LUZP2: variants seen among roughly 807,000 people sequenced by gnomAD.
LUZP2 encodes the protein leucine zipper protein 2.
Under a neutral mutation model 51.6 loss-of-function variants are expected in LUZP2, and 52 were observed. The ratio of observed to expected loss-of-function variants is 1.01; its 90% CI spans 0.81 to 1.27. The LOEUF is 1.27. LUZP2 is among the 50% of genes most tolerant of loss of function. The pLI is 0.00. For synonymous variants in LUZP2, 154 were observed against 137.3 expected (o/e 1.12, Z -0.85); for missense variants, 436 against 395.4 (o/e 1.10, Z -0.87).
chr11:24,721,121 C>G (rs1858253632), intron 1 of LUZP2, among the ~76,000 whole-genome samples: 1 of 152,194 alleles, frequency 6.6e-6, no homozygotes, highest in Non-Finnish European at 1.5e-5. Flanking sequence ...GCCATGTCCA[C>G]TAGCGTGCCT....
chr11:25,050,150 CT>C lies in LUZP2; in HGVS notation c.858+25del, dbSNP rs34625404. 1 of 1,482,354 alleles carries C rather than the reference CT, an allele frequency of 6.7e-7. No homozygotes were observed. Among genetic ancestry groups the C allele is most frequent in the Admixed American group, 1.8e-5 (1 of 54,284 alleles). The allele number at this position is 1,482,354 out of a possible 1,614,324, so 91.8% of individuals were successfully genotyped here. A position where few individuals can be genotyped will look rare whatever the true frequency, so the allele number is the denominator to read the frequency against. On this transcript the variant is annotated intron_variant, in intron 10 of 11. Transcript: ENST00000336930. ...CAAGATGTAAGAAAAACTTAAGATG[CT>C]TTTTACAGTATTAGACAGGAGAAAA...
At chr11:24,775,084 C>T (rs1848876851) in intron 5 of LUZP2, among the ~76,000 whole-genome samples, 1 of 151,548 alleles carries the variant, frequency 6.6e-6, no homozygotes, top group South Asian at 2.1e-4. Flanking sequence ...TTGAAATGAG[C>T]GTTTTACAAT....
At chr11:24,559,985 G>C (rs188112925) in intron 1 of LUZP2, among the ~76,000 whole-genome samples, 13 of 152,208 alleles carry the variant, frequency 8.5e-5, no homozygotes, top group Non-Finnish European at 1.5e-4. Context: ...GGGGTGGCAG[G>C]ATAGGGGAGG....
intron 5 of LUZP2, among the ~76,000 whole-genome samples, chr11:24,888,341 A>G (rs1479111936): frequency 6.6e-6 from 1 of 152,126 alleles, no homozygotes; most frequent in Non-Finnish European, 1.5e-5. Context: ...GTATGATTAT[A>G]TTCCAATTAA....
At chr11:24,816,205 T>C (rs1436230900) in intron 5 of LUZP2, among the ~76,000 whole-genome samples, 1 of 152,076 alleles carries the variant, frequency 6.6e-6, no homozygotes, top group Non-Finnish European at 1.5e-5. Context: ...GTTAGAATGA[T>C]CTGAACAAGT....
At chr11:24,745,818 C>T (rs570032751) in intron 4 of LUZP2, among the ~76,000 whole-genome samples, 1 of 152,236 alleles carries the variant, frequency 6.6e-6, no homozygotes, top group East Asian at 1.9e-4. Flanking sequence ...GCTAGGATTA[C>T]AGGCACAAGT....
intron 3 of LUZP2, among the ~76,000 whole-genome samples, chr11:24,733,428 A>G (rs1186261609): frequency 6.6e-6 from 1 of 151,824 alleles, no homozygotes. Flanking sequence ...GCAATAGTAG[A>G]ACATTATTCA....
chr11:24,955,938 C>T (rs537343674), intron 7 of LUZP2, among the ~76,000 whole-genome samples: 5 of 151,842 alleles, frequency 3.3e-5, no homozygotes, highest in African/African-American at 1.2e-4. Flanking sequence ...TTGGATCATG[C>T]AGAATGACTT....
chr11:25,025,481 C>T (rs1461250258), intron 9 of LUZP2, among the ~76,000 whole-genome samples: 4 of 152,100 alleles, frequency 2.6e-5, no homozygotes, highest in Non-Finnish European at 5.9e-5. Flanking sequence ...AACAATTGGG[C>T]AAAGGATATG....
intron 1 of LUZP2, among the ~76,000 whole-genome samples, chr11:24,597,875 G>A (rs1853494534): frequency 6.6e-6 from 1 of 152,090 alleles, no homozygotes; most frequent in Non-Finnish European, 1.5e-5. Context: ...GCCAAGGCGG[G>A]TGGAACACTT....
At chr11:24,521,338 G>A (rs12270014) in intron 1 of LUZP2, among the ~76,000 whole-genome samples, 13,821 of 111,652 alleles carry the variant, frequency 0.12, 1,068 homozygotes, top group African/African-American at 0.25. Context: ...GTGACAGAGC[G>A]AGACTCCATC....
intron 1 of LUZP2, among the ~76,000 whole-genome samples, chr11:24,665,038 A>T (rs748775542): frequency 6.6e-6 from 1 of 152,144 alleles, no homozygotes; most frequent in Non-Finnish European, 1.5e-5. Flanking sequence ...AAAGTCAAAG[A>T]CACTCAACGT....
At chr11:24,805,658 C>G (rs755995572) in intron 5 of LUZP2, among the ~76,000 whole-genome samples, 2 of 152,138 alleles carry the variant, frequency 1.3e-5, no homozygotes, top group African/African-American at 4.8e-5. Flanking sequence ...GTATTTTAAT[C>G]TTTGAAAATT....
chr11:24,628,003 T>A (rs968816628), intron 1 of LUZP2, among the ~76,000 whole-genome samples: 1 of 152,304 alleles, frequency 6.6e-6, no homozygotes, highest in South Asian at 2.1e-4. Flanking sequence ...ATTTACTGTC[T>A]GGGGCATTTT....
intron 6 of LUZP2, among the ~76,000 whole-genome samples, chr11:24,908,488 A>AT (rs1413759650): frequency 6.6e-6 from 1 of 152,144 alleles, no homozygotes. Context: ...TTGCCGTGAA[A>AT]TCTTCTTATG....
intron 9 of LUZP2, among the ~76,000 whole-genome samples, chr11:25,043,379 G>A (rs553936489): frequency 1.3e-5 from 2 of 152,084 alleles, no homozygotes; most frequent in African/African-American, 4.8e-5. Context: ...TAAGAATCAA[G>A]TAAATCATAC....
At chr11:24,518,522 A>G (rs1469615643) in intron 1 of LUZP2, among the ~76,000 whole-genome samples, 1 of 152,218 alleles carries the variant, frequency 6.6e-6, no homozygotes, top group Non-Finnish European at 1.5e-5. Context: ...AGAAACTGTT[A>G]AAAATTATTA....
At chr11:24,710,882 TAA>T (rs2133929904) in intron 1 of LUZP2, among the ~76,000 whole-genome samples, 1 of 112,828 alleles carries the variant, frequency 8.9e-6, no homozygotes, top group Admixed American at 1.2e-4. Flanking sequence ...CGAGAAGAAA[TAA>T]GAGACAAAGA....
intron 1 of LUZP2, among the ~76,000 whole-genome samples, chr11:24,666,128 G>A (rs1367898380): frequency 6.6e-6 from 1 of 152,072 alleles, no homozygotes; most frequent in Non-Finnish European, 1.5e-5. Context: ...TTCACAAACA[G>A]GAGGAGCTAG....
Sources: allele counts gnomAD v4.1 joint callset (sites outside exome capture counted in the v4.1 genomes callset), GRCh38; gene constraint gnomAD v4.1.1; transcripts MANE v1.5; gene names NCBI Gene and HGNC (gene_info 2026-07-23, HGNC 2026-07-21).